The following IGF2R variants were observed in gnomAD, a reference collection of about 807,000 sequenced individuals.
IGF2R encodes insulin like growth factor 2 receptor.
IGF2R carries 91 observed loss-of-function variants against 270.6 expected under a neutral mutation model. The ratio of observed to expected loss-of-function variants is 0.34; its 90% CI spans 0.28 to 0.40. The LOEUF (loss-of-function observed/expected upper bound fraction) is 0.40. IGF2R is among the 10% of genes least tolerant of loss of function. The pLI is 1.00. For missense variants in IGF2R, 2,805 were observed against 3,188.3 expected (o/e 0.88, Z 2.90); for synonymous variants, 1,316 against 1,258.9 (o/e 1.05, Z -0.96).
At chr6:160,032,769 G>A in intron 8 of IGF2R, 56 bp downstream of exon 8, 3 of 1,581,956 alleles carry the variant, frequency 1.9e-6, no homozygotes, top group Non-Finnish European at 1.7e-6. Context: ...GATCGAGAGA[G>A]GGAACGGGAC....
Position 160,000,735 on chromosome 6 carries a change from T to TTTTTTTTTTTG in IGF2R, c.290-8265_290-8264insGTTTTTTTTTT, listed in dbSNP as rs1784115583. Among the ~76,000 whole-genome samples, 2 of 138,534 alleles carry TTTTTTTTTTTG rather than the reference T, an allele frequency of 1.4e-5. 1 individual carries two copies. The highest frequency in any genetic ancestry group is 5.7e-5 in the African/African-American group (2 of 35,366). The allele number at this position is 138,534 out of a possible 152,430, so 90.9% of individuals were successfully genotyped here. A position where few individuals can be genotyped will look rare whatever the true frequency, so the allele number is the denominator to read the frequency against. ...AATAGTTGGTGTGAGGTTGTTTTTT[T>TTTTTTTTTTTG]TTTTTTTTTTTTTTTTTTGAGACAG... On this transcript the variant is annotated intron_variant, in intron 2 of 47. Coordinates refer to ENST00000356956, the MANE Select transcript of IGF2R (RefSeq NM_000876.4).
At position 160,030,215 on chromosome 6, in the gene IGF2R, T is replaced by C. The variant is rs1048919862; in HGVS notation, c.882+560T>C. 1.1e-4 allele frequency among the ~76,000 whole-genome samples: 16 copies of C among 152,258 alleles called. No individual in the cohort carries two copies. The South Asian group carries it at 1.2e-3, about 12-fold the overall frequency. ...CTGCTGAGACTTACTTGTCCTTGAG[T>C]GCCCAGCGCCTGCAAGTGTTTTAAC... On this transcript the variant is annotated intron_variant, in intron 7 of 47. Transcript: ENST00000356956.
At position 160,109,439 on chromosome 6, in the gene IGF2R, T is replaced by TA. The variant is rs1466023550; in HGVS notation, c.*4355_*4356insA. On this transcript the variant is annotated 3_prime_UTR_variant, in exon 48 of 48. Coordinates refer to ENST00000356956, the MANE Select transcript of IGF2R (RefSeq NM_000876.4). The stretch of plus-strand genomic sequence containing the variant: ...ACATTTTGAGACAACATGTAGACAT[T>TA]CAAACTTACAGAACAAAGAACTATT... 2.6e-5 allele frequency: 4 copies of TA among 152,226 alleles called. No homozygotes were observed. The highest frequency in any genetic ancestry group is 7.2e-5 in the African/African-American group (3 of 41,446). 9.4% of individuals were successfully genotyped at this position (152,226 alleles called of 1,614,324 possible).
intron 44 of IGF2R, chr6:160,090,353 G>C (rs1322770601): frequency 3.6e-6 from 1 of 279,718 alleles, no homozygotes; most frequent in Non-Finnish European, 6.6e-6. Flanking sequence ...AACCTGGTCT[G>C]ATCCAGTGGT....
rs1443441183 is a variant in IGF2R, at chr6:160,060,594, T to C, written c.3139T>C (p.Tyr1047His). 1.2e-6 allele frequency: 2 copies of C among 1,614,284 alleles called. No individual in the cohort carries two copies. Among genetic ancestry groups the C allele is most frequent in the Non-Finnish European group, 1.7e-6 (2 of 1,180,036 alleles). Residue 1047 changes from tyrosine to histidine, a missense_variant, in exon 23 of 48, where the codon TAC becomes CAC. Tyr to His is a moderately conservative substitution (Grantham distance 83, BLOSUM62 2). Around this residue, in one of 2 missense-constraint regions of IGF2R, gnomAD observed 1,851 missense variants for 2,207.2 expected, o/e 0.84. Coordinates refer to ENST00000356956, the MANE Select transcript of IGF2R (RefSeq NM_000876.4). ...IVRFVCNDDV[Y>H]SGPLKFLHQD... Reference sequence around the variant, plus strand: ...CCGCTTTGTTTGCAATGATGATGTTTACTCAGGGCCCCTCAAATTCCTGCA... The same window carrying C: ...CCGCTTTGTTTGCAATGATGATGTTCACTCAGGGCCCCTCAAATTCCTGCA...
At position 159,991,492 on chromosome 6, in the gene IGF2R, G is replaced by A. The variant is rs118076707; in HGVS notation, c.289+169G>A. Among the ~76,000 whole-genome samples, 1,368 of 152,264 alleles carry A rather than the reference G, an allele frequency of 9.0e-3. 11 individuals are homozygous for A. Among genetic ancestry groups the A allele is most frequent in the Non-Finnish European group, 0.011 (745 of 68,012 alleles). On this transcript the variant is annotated intron_variant, in intron 2 of 47. Coordinates refer to ENST00000356956, the MANE Select transcript of IGF2R (RefSeq NM_000876.4). ...TTTGTTAGTAGTTAAAAATGCTAAC[G>A]GTTTGAATGTCTAGTATGAGCTAAA...
intron 12 of IGF2R, 127 bp from the exon 13 acceptor site, chr6:160,044,387 A>T: frequency 1.2e-6 from 1 of 856,744 alleles, no homozygotes; most frequent in East Asian, 2.7e-5. Context: ...GAAGGGCTGC[A>T]CGTGCTGGGT....
chr6:160,068,065 G>GGGGTGT (rs1554246615), intron 29 of IGF2R, among the ~76,000 whole-genome samples, 184 bp from the exon 30 acceptor site: 2 of 77,402 alleles, frequency 2.6e-5, no homozygotes, highest in Non-Finnish European at 3.0e-5. Flanking sequence ...TCTGATGGGG[G>GGGGTGT]GTGTGTGTGT....
chr6:159,971,315 T>C (rs1783605386), intron 1 of IGF2R, among the ~76,000 whole-genome samples: 1 of 152,224 alleles, frequency 6.6e-6, no homozygotes, highest in Non-Finnish European at 1.5e-5. Context: ...CACGGCCTCT[T>C]GGTCTAGTAG....
rs764896222 is a variant in IGF2R, at chr6:160,084,113, A to G, written c.5997A>G (p.Lys1999=). 2 of 1,614,188 alleles carry G rather than the reference A, an allele frequency of 1.2e-6. No homozygotes were observed. Among genetic ancestry groups the G allele is most frequent in the Non-Finnish European group, 1.7e-6 (2 of 1,180,030 alleles). ...PKKLECKFVQ[K]HKTYDLRLLS... is the part of the protein sequence containing the mutation. ...AGTTGGAGTGCAAATTCGTCCAGAA[A>G]CACAAAACCTACGACCTGCGGCTGC... Residue 1999 remains lysine, a synonymous_variant, in exon 40 of 48, where the codon AAA becomes AAG. Transcript: ENST00000356956. The surrounding 1 kb of genome is among the most constrained non-coding windows in gnomAD (Gnocchi z 4.6).
intron 12 of IGF2R, 37 bp downstream of exon 12, chr6:160,043,325 T>G: frequency 6.3e-7 from 1 of 1,590,652 alleles, no homozygotes. Flanking sequence ...AGGTGATGCT[T>G]TTCTAGGGCA....
In IGF2R at chr6:160,077,190, G is replaced by A. The variant is rs1778871794; in HGVS notation, c.5317-1011G>A. ...ATCTTAGAGTGTAGTGACAGTCCTAGTTAGTAAGGAAAGGCAGAGCTGTAT... is the reference window on the plus strand; with the variant it reads ...ATCTTAGAGTGTAGTGACAGTCCTAATTAGTAAGGAAAGGCAGAGCTGTAT... On this transcript the variant is annotated intron_variant, in intron 36 of 47. Coordinates refer to ENST00000356956, the MANE Select transcript of IGF2R (RefSeq NM_000876.4). Among the ~76,000 whole-genome samples the A allele has an allele frequency of 2.0e-5, 3 of 152,194 alleles. No individual in the cohort carries two copies. The South Asian group carries it at 6.2e-4, about 32-fold the overall frequency.
At chr6:160,070,977 A>G (rs1279432717) in intron 31 of IGF2R, among the ~76,000 whole-genome samples, 2 of 152,164 alleles carry the variant, frequency 1.3e-5, no homozygotes, top group East Asian at 3.9e-4. Flanking sequence ...GCCGAGGACA[A>G]AAGGGCTGCC....
At chr6:160,024,755 G>T in intron 5 of IGF2R, 51 bp downstream of exon 5, 1 of 1,583,480 alleles carries the variant, frequency 6.3e-7, no homozygotes, top group East Asian at 2.2e-5. Context: ...TTTCTTCTAT[G>T]GCTTCAATAT....
At chr6:160,059,206 G>C in intron 22 of IGF2R, 108 bp downstream of exon 22, 1 of 895,280 alleles carries the variant, frequency 1.1e-6, no homozygotes, top group East Asian at 2.5e-5. Flanking sequence ...GCCACCATGG[G>C]CTGTGCTGTC....
intron 4 of IGF2R, among the ~76,000 whole-genome samples, chr6:160,022,650 AC>A (rs751326090): frequency 1.8e-4 from 28 of 152,164 alleles, no homozygotes; most frequent in Non-Finnish European, 2.6e-4. Flanking sequence ...GCAGTGACAA[AC>A]CCTTGACCTC....
At chr6:159,988,568 C>T (rs1200105111) in intron 1 of IGF2R, among the ~76,000 whole-genome samples, 1 of 149,304 alleles carries the variant, frequency 6.7e-6, no homozygotes, top group South Asian at 2.1e-4. Flanking sequence ...ACGTGTGGAT[C>T]TCTTTAGCGT....
rs553820792 is a variant in IGF2R, at chr6:160,084,264, T to C, written c.6068+80T>C. The C allele has an allele frequency of 2.3e-6, 2 of 853,294 alleles. No homozygotes were observed. Among genetic ancestry groups the C allele is most frequent in the African/African-American group, 1.7e-5 (1 of 60,196 alleles). 52.9% of individuals were successfully genotyped at this position (853,294 alleles called of 1,614,324 possible). Reference sequence around the variant, plus strand: ...GACTGCTTGACGATGGTTGGCTCTTTTGGGTTCTCAAGATGGGAATACTAT... The same window carrying C: ...GACTGCTTGACGATGGTTGGCTCTTCTGGGTTCTCAAGATGGGAATACTAT... On this transcript the variant is annotated intron_variant, in intron 40 of 47. Transcript: ENST00000356956. This position sits in a 1 kb window ranked among gnomAD's most constrained non-coding sequence, Gnocchi z 4.6.
chr6:160,016,575 G>A (rs1372494192), intron 4 of IGF2R, among the ~76,000 whole-genome samples: 4 of 152,192 alleles, frequency 2.6e-5, no homozygotes, highest in Admixed American at 1.3e-4. Flanking sequence ...ATGAACTTGC[G>A]TAGCCCATCT....
Sources: gnomAD v4.1 joint callset for allele counts (sites outside exome capture counted in the v4.1 genomes callset) on GRCh38, gnomAD v4.1.1 for gene constraint, gnomAD v4.1.1 regional missense constraint, Gnocchi (gnomAD v3.1) non-coding constraint, MANE v1.5 for transcripts, NCBI Gene and HGNC (gene_info 2026-07-23, HGNC 2026-07-21) for gene names.